Variants in SPIDR observed in about 807,000 individuals in gnomAD.
The protein encoded by SPIDR is DNA repair-scaffolding protein.
In SPIDR, 93 loss-of-function variants were observed where a neutral mutation model predicts 104.6. That is an observed-to-expected ratio of 0.89 (90% CI 0.75 to 1.06). The LOEUF (loss-of-function observed/expected upper bound fraction) is 1.06. Ranked by LOEUF, SPIDR falls within the 50% of genes least tolerant of loss-of-function variation. SPIDR has a pLI of 0.00. For missense variants in SPIDR, 1,154 were observed against 1,111.2 expected, an observed-to-expected ratio of 1.04 and a Z score of -0.55; for synonymous variants, 431 against 416.9, an observed-to-expected ratio of 1.03 and a Z score of -0.41.
intron 8 of SPIDR, among the ~76,000 whole-genome samples, chr8:47,501,165 T>C (rs536780368): frequency 9.8e-5 from 15 of 152,344 alleles, no homozygotes; most frequent in Admixed American, 9.1e-4. Flanking sequence ...AGTAGTTTTT[T>C]CCAATTCTGT....
At chr8:47,301,554 GT>G (rs2042092709) in intron 5 of SPIDR, among the ~76,000 whole-genome samples, 2 of 150,452 alleles carry the variant, frequency 1.3e-5, no homozygotes. Flanking sequence ...GGTCTTTGCA[GT>G]TTGGCATGTT....
intron 5 of SPIDR, among the ~76,000 whole-genome samples, chr8:47,346,713 A>AC (rs1206739378): frequency 1.3e-5 from 2 of 152,104 alleles, no homozygotes; most frequent in Non-Finnish European, 2.9e-5. Context: ...GCAGGAATTT[A>AC]CCCATTTCTT....
In SPIDR at chr8:47,414,223, A is replaced by G. The variant is rs76402524; in HGVS notation, c.877+6262A>G. On this transcript the variant is annotated intron_variant, in intron 7 of 19. Transcript: ENST00000297423. ...CACATAGAATTCACTAGGCGTTGTCATCCCGGTTACTCACTATAGTGAATT... is the reference window on the plus strand; with the variant it reads ...CACATAGAATTCACTAGGCGTTGTCGTCCCGGTTACTCACTATAGTGAATT... Among the ~76,000 whole-genome samples the G allele has an allele frequency of 6.8e-3, 1,035 of 152,294 alleles. 2 individuals carry two copies. The highest frequency in any genetic ancestry group is 0.012 in the Non-Finnish European group (798 of 68,028).
intron 5 of SPIDR, among the ~76,000 whole-genome samples, chr8:47,310,327 C>T (rs587597551): frequency 2.8e-5 from 4 of 143,950 alleles, no homozygotes; most frequent in African/African-American, 1.0e-4. Flanking sequence ...GAACGAGACT[C>T]CATCTCAAAA....
intron 5 of SPIDR, among the ~76,000 whole-genome samples, chr8:47,351,193 C>T (rs1554622137): frequency 6.6e-6 from 1 of 152,150 alleles, no homozygotes; most frequent in African/African-American, 2.4e-5. Flanking sequence ...AATCTCTTTA[C>T]TGTGTCTGAT....
At chr8:47,361,975 AT>A in intron 5 of SPIDR, among the ~76,000 whole-genome samples, 1 of 152,202 alleles carries the variant, frequency 6.6e-6, no homozygotes, top group East Asian at 1.9e-4. Flanking sequence ...CGTGCTACAC[AT>A]TTTTTTCAGC....
At chr8:47,438,305 A>G (rs2068743286) in intron 7 of SPIDR, among the ~76,000 whole-genome samples, 1 of 152,198 alleles carries the variant, frequency 6.6e-6, no homozygotes, top group Non-Finnish European at 1.5e-5. Context: ...CCCTGAGTTG[A>G]GTATAGGTAC....
At chr8:47,437,911 A>G (rs568857098) in intron 7 of SPIDR, among the ~76,000 whole-genome samples, 2 of 152,336 alleles carry the variant, frequency 1.3e-5, no homozygotes, top group Non-Finnish European at 2.9e-5. Flanking sequence ...AGAACTCTAA[A>G]TCATGCTGCT....
chr8:47,386,065 T>C (rs1166650049), intron 5 of SPIDR, among the ~76,000 whole-genome samples: 3 of 152,086 alleles, frequency 2.0e-5, no homozygotes, highest in Non-Finnish European at 2.9e-5. Flanking sequence ...CAGCTTTTTT[T>C]TTCTCTCTGG....
rs529395058 is a variant in SPIDR at position 47,468,124 on chromosome 8, A to C, written c.1097+27582A>C. ...ATCACACTTGCCACAAAAAGAATAA[A>C]ATACCTAGTAATAGAACTGACCAAG... On this transcript the variant is annotated intron_variant, in intron 8 of 19. Transcript: ENST00000297423. Among the ~76,000 whole-genome samples, 3 of 152,276 alleles carry C rather than the reference A, an allele frequency of 2.0e-5. No homozygotes were observed. In the East Asian group the frequency reaches 5.8e-4, roughly 29 times the overall value.
intron 8 of SPIDR, among the ~76,000 whole-genome samples, chr8:47,594,073 A>G (rs1477860055): frequency 6.6e-6 from 1 of 151,828 alleles, no homozygotes; most frequent in East Asian, 1.9e-4. Flanking sequence ...TGGGAGATCA[A>G]AGTCCTCCAG....
chr8:47,510,894 C>A, intron 8 of SPIDR: 1 of 486,028 alleles, frequency 2.1e-6, no homozygotes, highest in South Asian at 3.9e-5. Flanking sequence ...TCAACCAACA[C>A]CTAAGAACCT....
At chr8:47,322,487 G>T (rs548028054) in intron 5 of SPIDR, among the ~76,000 whole-genome samples, 56 of 152,320 alleles carry the variant, frequency 3.7e-4, no homozygotes, top group African/African-American at 1.3e-3. Context: ...TACACCGTTG[G>T]TGGGACTGTA....
At chr8:47,684,599 C>T (rs576573777) in intron 11 of SPIDR, among the ~76,000 whole-genome samples, 7 of 152,306 alleles carry the variant, frequency 4.6e-5, no homozygotes, top group Admixed American at 3.3e-4. Flanking sequence ...ATAGAAGTAC[C>T]TTGTGCAATG....
chr8:47,365,226 C>G (rs1554633684), intron 5 of SPIDR, among the ~76,000 whole-genome samples: 1 of 152,188 alleles, frequency 6.6e-6, no homozygotes, highest in African/African-American at 2.4e-5. Flanking sequence ...CCCTGGCCAC[C>G]TTCCACATTC....
At chr8:47,271,104 A>G (rs1563446361) in intron 1 of SPIDR, among the ~76,000 whole-genome samples, 1 of 152,158 alleles carries the variant, frequency 6.6e-6, no homozygotes, top group Non-Finnish European at 1.5e-5. Context: ...GATCCTTTGT[A>G]TATGATGAGT....
chr8:47,492,622 G>T (rs1420917901), intron 8 of SPIDR, among the ~76,000 whole-genome samples: 2 of 152,064 alleles, frequency 1.3e-5, no homozygotes, highest in Non-Finnish European at 2.9e-5. Flanking sequence ...CCTTTAGCTG[G>T]TTACCTGCCT....
intron 8 of SPIDR, among the ~76,000 whole-genome samples, chr8:47,460,874 A>G (rs1445199408): frequency 3.3e-5 from 5 of 152,120 alleles, no homozygotes; most frequent in African/African-American, 7.2e-5. Context: ...TTCTCTCAGC[A>G]TTTGTTTTTC....
At chr8:47,627,216 G>C (rs929534763) in intron 10 of SPIDR, among the ~76,000 whole-genome samples, 2 of 152,108 alleles carry the variant, frequency 1.3e-5, no homozygotes, top group Admixed American at 6.6e-5. Context: ...GGAAGGGGAA[G>C]ATCACACTCT....
Sources: gnomAD v4.1 joint callset for allele counts (sites outside exome capture counted in the v4.1 genomes callset) on GRCh38, gnomAD v4.1.1 for gene constraint, MANE v1.5 for transcripts, NCBI Gene and HGNC (gene_info 2026-07-23, HGNC 2026-07-21) for gene names.